The following B4GALT5 variants were observed in gnomAD, a reference collection of about 807,000 sequenced individuals.
The protein encoded by B4GALT5 is UDP-Gal:beta-GlcNAc beta-1,4-galactosyltransferase 5.
A neutral mutation model predicts 45.0 loss-of-function variants in B4GALT5; 11 were observed. That is an observed-to-expected ratio of 0.24 (90% CI 0.15 to 0.40). B4GALT5 has a LOEUF of 0.40. Among genes scored for constraint, B4GALT5 ranks in the 10% least tolerant of loss-of-function variants. The probability of loss-of-function intolerance (pLI) is 1.00; values close to 1 mark genes in which losing one functional copy is unlikely to be tolerated. For missense variants in B4GALT5, 337 were observed against 500.2 expected (o/e 0.67, Z 3.11); for synonymous variants, 185 against 182.9 (o/e 1.01, Z -0.09).
chr20:49,684,153 G>A (rs2085775790), intron 1 of B4GALT5, among the ~76,000 whole-genome samples: 1 of 151,628 alleles, frequency 6.6e-6, no homozygotes, highest in Non-Finnish European at 1.5e-5. Flanking sequence ...AAAAAAAAGA[G>A]CAAAGTAATA....
chr20:49,679,876 A>G (rs1775973920), intron 1 of B4GALT5, among the ~76,000 whole-genome samples: 1 of 152,152 alleles, frequency 6.6e-6, no homozygotes, highest in African/African-American at 2.4e-5. Context: ...TTTTTTCAGT[A>G]TACCTGCCTT....
chr20:49,656,887 C>T (rs527712600), intron 1 of B4GALT5, among the ~76,000 whole-genome samples, 185 bp from the exon 2 acceptor site: 1 of 151,992 alleles, frequency 6.6e-6, no homozygotes, highest in South Asian at 2.1e-4. Context: ...TTTTGGGTAG[C>T]TAGTAGAGCT....
chr20:49,665,215 T>C (rs1329805654), intron 1 of B4GALT5, among the ~76,000 whole-genome samples: 5 of 151,862 alleles, frequency 3.3e-5, no homozygotes, highest in Non-Finnish European at 7.4e-5. Context: ...GCTAGGAGTT[T>C]GAGAACAGCC....
rs1281164645 is a variant in B4GALT5, at chr20:49,634,323, C to G, written c.*1989G>C. ...ACACACATACACACACACACCCCTA[C>G]ACACACCCATGTAAACTATGAAAAT... On this transcript the variant is annotated 3_prime_UTR_variant, in exon 9 of 9. Coordinates refer to ENST00000371711, the MANE Select transcript of B4GALT5 (RefSeq NM_004776.4). 4.6e-5 allele frequency: 7 copies of G among 152,462 alleles called. No homozygotes were observed. The highest frequency in any genetic ancestry group is 7.3e-5 in the Non-Finnish European group (5 of 68,040). The allele number at this position is 152,462 out of a possible 1,614,324, so 9.4% of individuals were successfully genotyped here.
intron 3 of B4GALT5, among the ~76,000 whole-genome samples, chr20:49,645,645 A>G (rs1053424782): frequency 5.3e-5 from 8 of 152,250 alleles, no homozygotes; most frequent in African/African-American, 1.7e-4. Flanking sequence ...GCTACTCGGG[A>G]GGCTGAGGCA....
At chr20:49,643,731 G>T in intron 3 of B4GALT5, 81 bp from the exon 4 acceptor site, 1 of 1,456,464 alleles carries the variant, frequency 6.9e-7, no homozygotes, top group Non-Finnish European at 9.3e-7. Context: ...TCTCTGGAGA[G>T]CGCAATGCTT....
Position 49,643,520 on chromosome 20 carries a change from C to T in B4GALT5, c.489+6G>A. ...TCAGCATTTTGGCTGTGACTTCACACCCTACCTTCCACCGAGGCATGCAAT... is the reference window on the plus strand; with the variant it reads ...TCAGCATTTTGGCTGTGACTTCACATCCTACCTTCCACCGAGGCATGCAAT... On this transcript the variant is annotated splice_donor_region_variant and intron_variant, in intron 4 of 8. Coordinates refer to ENST00000371711, the MANE Select transcript of B4GALT5 (RefSeq NM_004776.4). The T allele has an allele frequency of 6.2e-7, 1 of 1,613,866 alleles. No individual in the cohort carries two copies. Among genetic ancestry groups the T allele is most frequent in the Non-Finnish European group, 8.5e-7 (1 of 1,179,874 alleles).
chr20:49,642,656 T>C, intron 4 of B4GALT5, 72 bp from the exon 5 acceptor site: 2 of 1,057,762 alleles, frequency 1.9e-6, no homozygotes, highest in South Asian at 1.4e-5. Flanking sequence ...ACACCCCTGA[T>C]GAATTGCTGA....
At chr20:49,694,700 G>GGGAAAGGGAAAA (rs1253031162) in intron 1 of B4GALT5, among the ~76,000 whole-genome samples, 1 of 139,980 alleles carries the variant, frequency 7.1e-6, no homozygotes, top group African/African-American at 2.6e-5. Flanking sequence ...GAAAGGGAAA[G>GGGAAAGGGAAAA]GGAAGGCAAG....
intron 1 of B4GALT5, among the ~76,000 whole-genome samples, chr20:49,704,706 A>G (rs2085877071): frequency 6.6e-6 from 1 of 151,228 alleles, no homozygotes; most frequent in South Asian, 2.1e-4. Flanking sequence ...GCGACAGAGC[A>G]AGACTCTGTC....
intron 1 of B4GALT5, among the ~76,000 whole-genome samples, chr20:49,690,029 A>C (rs1364879577): frequency 6.6e-6 from 1 of 152,046 alleles, no homozygotes; most frequent in African/African-American, 2.4e-5. Context: ...TTTTTGAGAC[A>C]GTCTCCCTCT....
intron 1 of B4GALT5, among the ~76,000 whole-genome samples, chr20:49,661,081 T>G (rs529952246): frequency 6.6e-6 from 1 of 152,184 alleles, no homozygotes; most frequent in African/African-American, 2.4e-5. Flanking sequence ...AAAATTCACA[T>G]CTCTGTGAAG....
chr20:49,707,993 G>A (rs1208685062), intron 1 of B4GALT5, among the ~76,000 whole-genome samples: 1 of 150,718 alleles, frequency 6.6e-6, no homozygotes, highest in Non-Finnish European at 1.5e-5. Context: ...ACTTTGGGAG[G>A]CTTTGGTGGG....
At chr20:49,688,383 G>A (rs2085795698) in intron 1 of B4GALT5, among the ~76,000 whole-genome samples, 1 of 152,110 alleles carries the variant, frequency 6.6e-6, no homozygotes, top group Non-Finnish European at 1.5e-5. Context: ...CATGGGGGAA[G>A]GGCCCCAGTT....
At chr20:49,642,102 T>C (rs979747333) in intron 5 of B4GALT5, among the ~76,000 whole-genome samples, 1 of 152,184 alleles carries the variant, frequency 6.6e-6, no homozygotes, top group African/African-American at 2.4e-5. Flanking sequence ...ACAGCAGACA[T>C]GACAAGCACT....
At chr20:49,656,077 C>T (rs1284778764) in intron 2 of B4GALT5, among the ~76,000 whole-genome samples, 1 of 152,174 alleles carries the variant, frequency 6.6e-6, no homozygotes, top group Non-Finnish European at 1.5e-5. Context: ...TTCACAGGGG[C>T]AGATCCCTCA....
At chr20:49,648,555 T>G (rs1187162043) in intron 2 of B4GALT5, among the ~76,000 whole-genome samples, 1 of 152,222 alleles carries the variant, frequency 6.6e-6, no homozygotes, top group Admixed American at 6.5e-5. Flanking sequence ...GCAGTCAGTT[T>G]TCTTGGGTTT....
chr20:49,688,300 CCATGTACTAAG>C (rs1319774849), intron 1 of B4GALT5, among the ~76,000 whole-genome samples: 9 of 152,126 alleles, frequency 5.9e-5, no homozygotes, highest in Non-Finnish European at 1.3e-4. Flanking sequence ...TTCACCAATC[CCATGTACTAAG>C]AAGACAAAGA....
At chr20:49,688,173 G>A (rs1220685737) in intron 1 of B4GALT5, among the ~76,000 whole-genome samples, 1 of 152,184 alleles carries the variant, frequency 6.6e-6, no homozygotes, top group African/African-American at 2.4e-5. Context: ...AAGGGCCTAG[G>A]ATTCCTGTGA....
Sources: allele counts gnomAD v4.1 joint callset (sites outside exome capture counted in the v4.1 genomes callset), GRCh38; gene constraint gnomAD v4.1.1; transcripts MANE v1.5; gene names NCBI Gene and HGNC (gene_info 2026-07-23, HGNC 2026-07-21).